The following PTPN13 variants were observed in gnomAD, a reference collection of about 807,000 sequenced individuals.
PTPN13 encodes the protein protein tyrosine phosphatase non-receptor type 13.
Under a neutral mutation model 284.0 loss-of-function variants are expected in PTPN13, and 191 were observed. The observed-to-expected ratio is 0.67, with a 90% CI of 0.60 to 0.76. The LOEUF (loss-of-function observed/expected upper bound fraction) is 0.76. Ranked by LOEUF, PTPN13 falls within the 30% of genes least tolerant of loss-of-function variation. The pLI is 0.00. For synonymous variants in PTPN13, 986 were observed against 1,022.3 expected, an observed-to-expected ratio of 0.96 and a Z score of 0.68; for missense variants, 2,797 against 2,939.9, an observed-to-expected ratio of 0.95 and a Z score of 1.12.
At chr4:86,742,180 G>C (rs538645530) in intron 16 of PTPN13, among the ~76,000 whole-genome samples, 33 of 152,164 alleles carry the variant, frequency 2.2e-4, no homozygotes, top group Non-Finnish European at 4.6e-4. Context: ...TAACCCTAGT[G>C]AACCTTGTCT....
intron 13 of PTPN13, 133 bp from the exon 14 acceptor site, chr4:86,734,604 T>G: frequency 7.9e-7 from 1 of 1,264,662 alleles, no homozygotes; most frequent in Non-Finnish European, 1.1e-6. Flanking sequence ...GTTTATCTAA[T>G]CCTTATGCCT....
In PTPN13 at chr4:86,732,475, G is replaced by T; in HGVS notation, c.1683+1G>T. 1.3e-6 allele frequency: 2 copies of T among 1,599,446 alleles called. No individual in the cohort carries two copies. Among genetic ancestry groups the T allele is most frequent in the Non-Finnish European group, 1.7e-6 (2 of 1,171,524 alleles). ...TTTGGATTTGCCACGGTCTATTCTTGTAAGTAATAAAACCAATTTGTGTCA... is the reference window on the plus strand; with the variant it reads ...TTTGGATTTGCCACGGTCTATTCTTTTAAGTAATAAAACCAATTTGTGTCA... On this transcript the variant is annotated splice_donor_variant, in intron 11 of 47. Coordinates refer to ENST00000411767, the MANE Select transcript of PTPN13 (RefSeq NM_080683.3). LOFTEE classifies it high-confidence loss of function.
intron 40 of PTPN13, among the ~76,000 whole-genome samples, chr4:86,796,002 A>G (rs578123065): frequency 4.5e-4 from 68 of 152,304 alleles, no homozygotes; most frequent in African/African-American, 1.6e-3. Flanking sequence ...ACAAACCTGC[A>G]TGTTGTGCAC....
intron 1 of PTPN13, among the ~76,000 whole-genome samples, chr4:86,596,550 G>A (rs1003097418): frequency 4.6e-5 from 7 of 152,184 alleles, no homozygotes; most frequent in African/African-American, 1.7e-4. Flanking sequence ...GTGAGAATTA[G>A]CTAATCATTT....
rs1739962302 is a variant in PTPN13, at chr4:86,771,248, C to T, written c.4881C>T (p.Ser1627=). The T allele has an allele frequency of 6.2e-7, 1 of 1,609,972 alleles. No homozygotes were observed. Among genetic ancestry groups the T allele is most frequent in the Admixed American group, 1.7e-5 (1 of 59,472 alleles). ...DSSQPSCVEQ[S]TSSDENEMSD... ...CTCAGCCATCATGTGTGGAGCAAAG[C>T]ACCAGCTCAGATGAAAATGAAATGT... is the stretch of plus-strand genomic sequence containing the variant. The change falls in exon 31 of 48, where the codon AGC becomes AGT. Residue 1627 remains serine, a synonymous_variant. Transcript: ENST00000411767.
intron 31 of PTPN13, among the ~76,000 whole-genome samples, chr4:86,772,253 C>T (rs1312389187): frequency 6.6e-6 from 1 of 152,038 alleles, no homozygotes; most frequent in Admixed American, 6.6e-5. Flanking sequence ...GCTTAAAGAG[C>T]TTCATCAAAA....
chr4:86,656,269 G>A (rs1725794227), intron 2 of PTPN13, among the ~76,000 whole-genome samples: 1 of 152,190 alleles, frequency 6.6e-6, no homozygotes, highest in Non-Finnish European at 1.5e-5. Flanking sequence ...ATCCAGCTTT[G>A]TTGCGTTTCT....
chr4:86,750,353 A>G (rs765433164), intron 17 of PTPN13, 117 bp from the exon 18 acceptor site: 50 of 934,328 alleles, frequency 5.4e-5, no homozygotes, highest in Non-Finnish European at 7.7e-5. Context: ...AAAGCTACCT[A>G]CTTATGCTGG....
At chr4:86,767,735 C>G in intron 27 of PTPN13, 82 bp from the exon 28 acceptor site, 1 of 1,121,532 alleles carries the variant, frequency 8.9e-7, no homozygotes, top group Non-Finnish European at 1.2e-6. Context: ...GATTTTATAC[C>G]ATTAACTATA....
At chr4:86,695,624 C>T (rs887656910) in intron 6 of PTPN13, among the ~76,000 whole-genome samples, 3 of 151,804 alleles carry the variant, frequency 2.0e-5, no homozygotes, top group African/African-American at 7.3e-5. Flanking sequence ...GTTTTTCTTA[C>T]TTATCTTTTT....
At position 86,685,520 on chromosome 4, in the gene PTPN13, G is replaced by T. The variant is rs573551722; in HGVS notation, c.295-1190G>T. ...GCTATTTGAGAAGCTGAGACAGGAG[G>T]ATCACTTGAGTGATCCAGGAGTTTG... On this transcript the variant is annotated intron_variant, in intron 3 of 47. Transcript: ENST00000411767. Among the ~76,000 whole-genome samples, 5 of 152,148 alleles carry T rather than the reference G, an allele frequency of 3.3e-5. No individual in the cohort carries two copies. In the South Asian group the frequency reaches 1.0e-3, roughly 32 times the overall value.
intron 6 of PTPN13, among the ~76,000 whole-genome samples, chr4:86,695,471 G>C (rs1489339993): frequency 6.6e-6 from 1 of 151,870 alleles, no homozygotes; most frequent in Non-Finnish European, 1.5e-5. Context: ...TTTGTTAATT[G>C]ATCAAATTTG....
chr4:86,763,686 T>C (rs1738962493), intron 24 of PTPN13, among the ~76,000 whole-genome samples: 1 of 152,136 alleles, frequency 6.6e-6, no homozygotes, highest in Non-Finnish European at 1.5e-5. Context: ...GGTGGGAGGA[T>C]TGCTTGAGGC....
intron 4 of PTPN13, among the ~76,000 whole-genome samples, chr4:86,687,495 A>G (rs1320372165): frequency 6.6e-6 from 1 of 152,212 alleles, no homozygotes; most frequent in East Asian, 1.9e-4. Flanking sequence ...TTTATAAGTC[A>G]AAACCAAAAA....
chr4:86,648,130 A>G (rs1724649300), intron 2 of PTPN13, among the ~76,000 whole-genome samples: 1 of 152,114 alleles, frequency 6.6e-6, no homozygotes, highest in Non-Finnish European at 1.5e-5. Flanking sequence ...TTTGAGGTAC[A>G]TGTGATATTT....
chr4:86,748,768 G>T (rs574981753), intron 17 of PTPN13, among the ~76,000 whole-genome samples: 1 of 152,090 alleles, frequency 6.6e-6, no homozygotes, highest in African/African-American at 2.4e-5. Flanking sequence ...CCATTCTCCT[G>T]CCTCAGCCTC....
chr4:86,793,658 C>G (rs1017709074), intron 40 of PTPN13, among the ~76,000 whole-genome samples: 3 of 152,200 alleles, frequency 2.0e-5, no homozygotes, highest in African/African-American at 7.2e-5. Context: ...AACTGTCTCT[C>G]AGACCACAGT....
intron 7 of PTPN13, among the ~76,000 whole-genome samples, chr4:86,702,912 A>C (rs1389725204): frequency 6.6e-6 from 1 of 152,116 alleles, no homozygotes; most frequent in Non-Finnish European, 1.5e-5. Flanking sequence ...TAAGATCGTT[A>C]TTCTAGTGTA....
chr4:86,638,805 G>T (rs1723372973), intron 2 of PTPN13, among the ~76,000 whole-genome samples: 2 of 152,028 alleles, frequency 1.3e-5, no homozygotes, highest in African/African-American at 2.4e-5. Flanking sequence ...AAAAGCAATG[G>T]CAACAAAAGC....
Sources: gnomAD v4.1 joint callset for allele counts (sites outside exome capture counted in the v4.1 genomes callset) on GRCh38, gnomAD v4.1.1 for gene constraint, MANE v1.5 for transcripts, NCBI Gene and HGNC (gene_info 2026-07-23, HGNC 2026-07-21) for gene names.